Variants in FANCI observed in about 807,000 individuals in gnomAD.
FANCI encodes FA complementation group I, also known as Fanconi anemia group I protein.
FANCI carries 156 observed loss-of-function variants against 176.1 expected under a neutral mutation model. That is an observed-to-expected ratio of 0.89 (90% CI 0.78 to 1.01). The LOEUF (loss-of-function observed/expected upper bound fraction) is 1.01. Among genes scored for constraint, FANCI ranks in the 50% least tolerant of loss-of-function variants. The pLI is 0.00. For synonymous variants in FANCI, 613 were observed against 541.7 expected (o/e 1.13, Z -1.83); for missense variants, 1,678 against 1,534.1 (o/e 1.09, Z -1.57).
intron 2 of FANCI, among the ~76,000 whole-genome samples, chr15:89,255,383 C>T (rs778965214): frequency 8.5e-5 from 13 of 152,054 alleles, no homozygotes; most frequent in Non-Finnish European, 1.9e-4. Flanking sequence ...TGGGCTTTTC[C>T]ATTTTACAGG....
chr15:89,259,481 G>A (rs1242180796), intron 3 of FANCI: 1 of 152,368 alleles, frequency 6.6e-6, no homozygotes, highest in East Asian at 1.9e-4. Context: ...CAGAGAAAAG[G>A]AAATAATTAA....
chr15:89,314,004 A>ACACAC (rs2055083290), intron 35 of FANCI, among the ~76,000 whole-genome samples: 1 of 125,272 alleles, frequency 8.0e-6, no homozygotes, highest in Non-Finnish European at 1.8e-5. Flanking sequence ...CACACACACA[A>ACACAC]ATGTAGGACC....
At chr15:89,279,114 C>G (rs141735022) in intron 14 of FANCI, among the ~76,000 whole-genome samples, 85 of 152,082 alleles carry the variant, frequency 5.6e-4, no homozygotes, top group African/African-American at 2.0e-3. Flanking sequence ...CACAGTGTTT[C>G]TCTCTGGTAA....
Position 89,316,450 on chromosome 15 carries a change from G to T in FANCI, c.3978G>T (p.Arg1326Ser). ...ACAAAGAACCAGCCAAGAAGAAAAGGAAAAAATAAATGAAATGCCTGAGTT... is the reference window on the plus strand; with the variant it reads ...ACAAAGAACCAGCCAAGAAGAAAAGTAAAAAATAAATGAAATGCCTGAGTT... ...GQNKEPAKKK[R>S]KK The change falls in exon 38 of 38, where the codon AGG becomes AGT. Residue 1326 changes from arginine to serine, a missense_variant. This residue lies in a region of FANCI where 1,204 missense variants were observed against 1,077.4 expected (regional missense o/e 1.12). Transcript: ENST00000310775. The T allele has an allele frequency of 6.2e-7, 1 of 1,610,654 alleles. No homozygotes were observed. The highest frequency in any genetic ancestry group is 2.2e-5 in the East Asian group (1 of 44,762).
chr15:89,313,524 C>A (rs1269274774), intron 35 of FANCI, among the ~76,000 whole-genome samples: 2 of 152,136 alleles, frequency 1.3e-5, no homozygotes, highest in Non-Finnish European at 2.9e-5. Context: ...TTGGTGAATG[C>A]AAAAGGTGCT....
chr15:89,255,070 C>G (rs895087230), intron 2 of FANCI, among the ~76,000 whole-genome samples: 1 of 152,226 alleles, frequency 6.6e-6, no homozygotes, highest in African/African-American at 2.4e-5. Context: ...CACTCAGCAT[C>G]CTACATTGCT....
chr15:89,277,523 G>A (rs1280554454), intron 13 of FANCI, among the ~76,000 whole-genome samples: 1 of 149,706 alleles, frequency 6.7e-6, no homozygotes, highest in Non-Finnish European at 1.5e-5. Flanking sequence ...GACTGAGGTG[G>A]ATCACTTGAG....
intron 18 of FANCI, among the ~76,000 whole-genome samples, chr15:89,288,656 G>C (rs2053925262): frequency 7.0e-6 from 1 of 142,320 alleles, no homozygotes. Context: ...GTCTTCCTCT[G>C]TTATCCAGGC....
At position 89,290,254 on chromosome 15, in the gene FANCI, T is replaced by A. The variant is rs370338925; in HGVS notation, c.1863T>A (p.Asn621Lys). ...DVLRRNSQLANSVMQTLLSQL... is the reference protein window; with the variant it reads ...DVLRRNSQLAKSVMQTLLSQL... ...TTCGAAGGAACTCTCAGCTGGCTAA[T>A]TCAGTCATGCAAACTCTGCTCTCAC... is the stretch of plus-strand genomic sequence containing the variant. Residue 621 changes from asparagine (N) to lysine (K), a missense_variant, in exon 19 of 38, where the codon AAT (asparagine) becomes AAA (lysine). By Grantham distance (94) the Asn-to-Lys change is moderately conservative (BLOSUM62 0). Transcript: ENST00000310775. 1 of 1,613,976 alleles carries A rather than the reference T, an allele frequency of 6.2e-7. No individual in the cohort carries two copies.
intron 26 of FANCI, 121 bp from the exon 27 acceptor site, chr15:89,301,205 G>C (rs868824449): frequency 1.3e-6 from 1 of 784,146 alleles, no homozygotes; most frequent in Middle Eastern, 2.7e-4. Context: ...TATCCTCTTA[G>C]AATTTTGGTA....
In FANCI at chr15:89,286,977, C is replaced by CTTTTTTTTTTTTTTT. The variant is rs543431700; in HGVS notation, c.1821+1766_1821+1780dup. 4.9e-3 allele frequency among the ~76,000 whole-genome samples: 422 copies of CTTTTTTTTTTTTTTT among 86,006 alleles called. 62 individuals carry two copies. Among genetic ancestry groups the CTTTTTTTTTTTTTTT allele is most frequent in the African/African-American group, 0.018 (389 of 21,152 alleles). 56.4% of individuals were successfully genotyped at this position (86,006 alleles called of 152,430 possible). ...TCAGCATTTGCTGCTTCACCTTGCA[C>CTTTTTTTTTTTTTTT]TTTTTTTTTTTTTTTTTTTTTGAGT... On this transcript the variant is annotated intron_variant, in intron 18 of 37. Transcript: ENST00000310775.
chr15:89,283,682 C>G (rs1250751999), intron 17 of FANCI, among the ~76,000 whole-genome samples: 2 of 151,786 alleles, frequency 1.3e-5, no homozygotes, highest in Non-Finnish European at 2.9e-5. Flanking sequence ...TTATCTCTTT[C>G]TCTTTTTTAA....
chr15:89,316,244 A>G (rs866912772), intron 37 of FANCI, 153 bp from the exon 38 acceptor site: 1 of 781,488 alleles, frequency 1.3e-6, no homozygotes, highest in Middle Eastern at 3.3e-4. Flanking sequence ...CTCTTCTTCA[A>G]CAACATAATT....
chr15:89,273,244 C>T (rs2053267085), intron 10 of FANCI, 133 bp from the exon 11 acceptor site: 1 of 611,172 alleles, frequency 1.6e-6, no homozygotes, highest in Non-Finnish European at 2.9e-6. Flanking sequence ...ATCAAGGCTG[C>T]AGTGAGCTAT....
intron 29 of FANCI, 35 bp from the exon 30 acceptor site, chr15:89,305,306 C>G: frequency 6.2e-7 from 1 of 1,614,152 alleles, no homozygotes; most frequent in Middle Eastern, 1.6e-4. Context: ...AACAACCTTA[C>G]TGTCATTAGG....
rs201871288 is a variant in FANCI, at chr15:89,276,774, A to T, written c.1176A>T (p.Ser392=). 99 of 1,614,082 alleles carry T rather than the reference A, an allele frequency of 6.1e-5. No homozygotes were observed. The highest frequency in any genetic ancestry group is 5.5e-5 in the Non-Finnish European group (65 of 1,180,038). The change falls in exon 13 of 38, where the codon TCA becomes TCT. Residue 392 remains serine, a synonymous_variant. Coordinates refer to ENST00000310775, the MANE Select transcript of FANCI (RefSeq NM_001113378.2). The part of the protein sequence containing the change: ...LVELGFILMD[S]YGPKKVLDGK... ...AACTTGGTTTCATTTTGATGGATTC[A>T]TATGGGCCAAAGAAGGTTCTTGATG...
chr15:89,279,877 C>G (rs2053550419), intron 14 of FANCI, among the ~76,000 whole-genome samples: 1 of 152,202 alleles, frequency 6.6e-6, no homozygotes, highest in South Asian at 2.1e-4. Flanking sequence ...ATTTAGACTA[C>G]TGCCACAGCT....
Position 89,276,824 on chromosome 15 carries a change from G to T in FANCI, c.1226G>T (p.Ser409Ile), listed in dbSNP as rs780367340. The change falls in exon 13 of 38, where the codon AGT (serine) becomes ATT (isoleucine). Residue 409 changes from serine to isoleucine, a missense_variant. Physicochemically the swap from Ser to Ile is moderately radical, Grantham distance 142 (BLOSUM62 -2). This residue lies in a region of FANCI where 1,204 missense variants were observed against 1,077.4 expected (regional missense o/e 1.12). Coordinates refer to ENST00000310775, the MANE Select transcript of FANCI (RefSeq NM_001113378.2). ...GGAAAAACTATTGAAACCAGCCCAA[G>T]TCTTTCTAGAATGCCAAACCAGCAT... ...LDGKTIETSP[S>I]LSRMPNQHAC... The T allele has an allele frequency of 6.2e-7, 1 of 1,614,166 alleles. No homozygotes were observed. Among genetic ancestry groups the T allele is most frequent in the Admixed American group, 1.7e-5 (1 of 60,018 alleles).
chr15:89,272,814 T>A (rs1436531987), intron 10 of FANCI, among the ~76,000 whole-genome samples: 1 of 152,012 alleles, frequency 6.6e-6, no homozygotes, highest in East Asian at 1.9e-4. Flanking sequence ...GGATTACAGG[T>A]GTGTGCCACC....
Sources: allele counts gnomAD v4.1 joint callset (sites outside exome capture counted in the v4.1 genomes callset), GRCh38; gene constraint gnomAD v4.1.1; regional missense constraint gnomAD v4.1.1; transcripts MANE v1.5; gene names NCBI Gene and HGNC (gene_info 2026-07-23, HGNC 2026-07-21).